DCC: variants seen among roughly 807,000 people sequenced by gnomAD.
DCC encodes the protein DCC netrin 1 receptor.
A neutral mutation model predicts 172.5 loss-of-function variants in DCC; 58 were observed. The observed-to-expected ratio is 0.34, with a 90% CI of 0.27 to 0.42. The LOEUF (loss-of-function observed/expected upper bound fraction) is 0.42. Among genes scored for constraint, DCC ranks in the 10% least tolerant of loss-of-function variants. The pLI, the probability that DCC is intolerant of heterozygous loss-of-function variation, is 1.00. For synonymous variants in DCC, 709 were observed against 644.5 expected, an observed-to-expected ratio of 1.10 and a Z score of -1.52; for missense variants, 1,740 against 1,791.0, an observed-to-expected ratio of 0.97 and a Z score of 0.51.
chr18:52,587,160 C>T (rs997398112), intron 1 of DCC, among the ~76,000 whole-genome samples: 2 of 152,194 alleles, frequency 1.3e-5, no homozygotes, highest in African/African-American at 2.4e-5. Flanking sequence ...GCTGGCTGAT[C>T]ACCCTGAGGA....
chr18:52,573,694 A>G (rs1229605466), intron 1 of DCC, among the ~76,000 whole-genome samples: 1 of 152,148 alleles, frequency 6.6e-6, no homozygotes, highest in Non-Finnish European at 1.5e-5. Flanking sequence ...TTTACATCTA[A>G]GATCAGAGAA....
chr18:53,462,721 T>G (rs889858550), intron 24 of DCC, among the ~76,000 whole-genome samples: 1 of 152,124 alleles, frequency 6.6e-6, no homozygotes, highest in Non-Finnish European at 1.5e-5. Flanking sequence ...ATGGCTGCTT[T>G]GTGGGGCCTT....
intron 1 of DCC, among the ~76,000 whole-genome samples, chr18:52,387,223 T>C (rs1236537319): frequency 6.6e-6 from 1 of 152,172 alleles, no homozygotes; most frequent in Non-Finnish European, 1.5e-5. Flanking sequence ...TTGCAGCAGG[T>C]ATGGCTCTGC....
intron 2 of DCC, among the ~76,000 whole-genome samples, chr18:52,891,558 C>T (rs536913022): frequency 6.6e-6 from 1 of 152,046 alleles, no homozygotes; most frequent in South Asian, 2.1e-4. Flanking sequence ...GAATAATTAG[C>T]CTCTTACTCC....
chr18:53,502,753 AAAATGAGAAACTTCTACTTTG>A (rs1472691542), intron 27 of DCC, among the ~76,000 whole-genome samples: 1 of 152,188 alleles, frequency 6.6e-6, no homozygotes, highest in African/African-American at 2.4e-5. Context: ...CTAATTTTTA[AAAATGAGAAACTTCTACTTTG>A]AAAGCTTTGA....
rs76300430 is a variant in DCC at position 52,684,276 on chromosome 18, G to A, written c.92-67778G>A. On this transcript the variant is annotated intron_variant, in intron 1 of 28. Coordinates refer to ENST00000442544, the MANE Select transcript of DCC (RefSeq NM_005215.4). ...CATGCATTGAAGCAGTGAATAAGTC[G>A]TGGGGTTAGCGAGTTTGATGGAATC... Among the ~76,000 whole-genome samples, 1,581 of 152,178 alleles carry A rather than the reference G, an allele frequency of 0.01. 72 individuals carry two copies. The East Asian group carries it at 0.16, about 15-fold the overall frequency.
intron 1 of DCC, among the ~76,000 whole-genome samples, chr18:52,599,719 G>C (rs1325934044): frequency 1.3e-5 from 2 of 152,068 alleles, no homozygotes; most frequent in East Asian, 1.9e-4. Context: ...TCACCATGTT[G>C]GTCAGGCTAG....
intron 21 of DCC, among the ~76,000 whole-genome samples, chr18:53,418,878 T>A (rs1054969517): frequency 6.6e-6 from 1 of 152,232 alleles, no homozygotes; most frequent in Non-Finnish European, 1.5e-5. Flanking sequence ...GATTTCTTTA[T>A]GTAATTGTAA....
At chr18:53,084,638 C>T (rs750201306) in intron 7 of DCC, among the ~76,000 whole-genome samples, 3 of 152,122 alleles carry the variant, frequency 2.0e-5, no homozygotes, top group Non-Finnish European at 4.4e-5. Context: ...AAGCCAAGCA[C>T]TGTGGGTGGA....
chr18:53,087,786 G>T (rs535078966), intron 7 of DCC, among the ~76,000 whole-genome samples: 19 of 152,278 alleles, frequency 1.2e-4, no homozygotes, highest in Middle Eastern at 3.4e-3. Flanking sequence ...TATATAAGGT[G>T]TAAGGAAGGG....
rs1237870016 is a variant in DCC at position 53,427,985 on chromosome 18, ATATAT to A, written c.3164-7154_3164-7150del. 2.4e-3 allele frequency among the ~76,000 whole-genome samples: 198 copies of A among 83,808 alleles called. 26 individuals carry two copies. Among genetic ancestry groups the A allele is most frequent in the African/African-American group, 8.1e-3 (182 of 22,382 alleles). 55.0% of individuals were successfully genotyped at this position (83,808 alleles called of 152,430 possible). A position where few individuals can be genotyped will look rare whatever the true frequency, so the allele number is the denominator to read the frequency against. ...ATAATATAATATATAATATAATATA[ATATAT>A]TATAATAATATATAATATAATACTA... On this transcript the variant is annotated intron_variant, in intron 21 of 28. Transcript: ENST00000442544.
intron 2 of DCC, among the ~76,000 whole-genome samples, chr18:52,815,902 G>A (rs762026823): frequency 7.2e-5 from 11 of 152,036 alleles, no homozygotes; most frequent in Admixed American, 1.3e-4. Flanking sequence ...GTGTCCAAAG[G>A]CCACCAGTTT....
In DCC at chr18:53,318,752, G is replaced by GGTTTTTTTTTTTT. The variant is rs1555651814; in HGVS notation, c.2054-3295_2054-3294insGTTTTTTTTTTTT. Among the ~76,000 whole-genome samples the GGTTTTTTTTTTTT allele has an allele frequency of 3.8e-5, 5 of 132,160 alleles. 1 individual carries two copies. Among genetic ancestry groups the GGTTTTTTTTTTTT allele is most frequent in the Non-Finnish European group, 1.6e-5 (1 of 63,704 alleles). 86.7% of individuals were successfully genotyped at this position (132,160 alleles called of 152,430 possible). On this transcript the variant is annotated intron_variant, in intron 13 of 28. Transcript: ENST00000442544. ...ATTATATAATGCCCTTCTTCGTTGG[G>GGTTTTTTTTTTTT]TTTTTTTTTTTTTTTTTTTGTGATC...
At chr18:52,577,177 T>C (rs1458265247) in intron 1 of DCC, among the ~76,000 whole-genome samples, 2 of 152,234 alleles carry the variant, frequency 1.3e-5, no homozygotes, top group African/African-American at 4.8e-5. Context: ...TATATTTCCA[T>C]TAACAGCAAA....
At chr18:53,283,464 G>T (rs2056896651) in intron 12 of DCC, among the ~76,000 whole-genome samples, 1 of 151,964 alleles carries the variant, frequency 6.6e-6, no homozygotes, top group Non-Finnish European at 1.5e-5. Context: ...TTACTGATTT[G>T]ATGTATATTA....
intron 9 of DCC, among the ~76,000 whole-genome samples, chr18:53,186,882 G>T (rs2055290164): frequency 6.6e-6 from 1 of 152,106 alleles, no homozygotes; most frequent in Admixed American, 6.5e-5. Flanking sequence ...GCATCTTCCA[G>T]AGGGTATGAA....
chr18:52,553,640 G>A (rs2032836256), intron 1 of DCC, among the ~76,000 whole-genome samples: 1 of 151,964 alleles, frequency 6.6e-6, no homozygotes, highest in Non-Finnish European at 1.5e-5. Context: ...CACACTCTGG[G>A]AAGGAAGCCA....
At chr18:53,407,154 T>C (rs915679553) in intron 19 of DCC, among the ~76,000 whole-genome samples, 2 of 152,240 alleles carry the variant, frequency 1.3e-5, no homozygotes, top group Non-Finnish European at 2.9e-5. Context: ...ATGAGGAGAC[T>C]CGGGAATCAG....
At chr18:53,241,061 A>G (rs1181463363) in intron 12 of DCC, among the ~76,000 whole-genome samples, 1 of 152,078 alleles carries the variant, frequency 6.6e-6, no homozygotes, top group African/African-American at 2.4e-5. Context: ...GAGCTTCTGA[A>G]AGGACCTTAG....
Sources: allele counts gnomAD v4.1 joint callset (sites outside exome capture counted in the v4.1 genomes callset), GRCh38; gene constraint gnomAD v4.1.1; transcripts MANE v1.5; gene names NCBI Gene and HGNC (gene_info 2026-07-23, HGNC 2026-07-21).